AGBL1: variants seen among roughly 807,000 people sequenced by gnomAD.
The protein encoded by AGBL1 is cytosolic carboxypeptidase 4.
In AGBL1, 130 loss-of-function variants were observed where a neutral mutation model predicts 118.9. The observed-to-expected ratio is 1.09, with a 90% confidence interval of 0.95 to 1.26. The LOEUF is 1.26. Among genes scored for constraint, AGBL1 ranks in the 50% most tolerant of loss-of-function variants. The pLI is 0.00. For synonymous variants in AGBL1, 555 were observed against 478.9 expected (o/e 1.16, Z -2.08); for missense variants, 1,584 against 1,298.1 (o/e 1.22, Z -3.38).
chr15:86,356,349 T>C (rs1483366439), intron 17 of AGBL1, among the ~76,000 whole-genome samples: 3 of 150,934 alleles, frequency 2.0e-5, no homozygotes, highest in Non-Finnish European at 4.4e-5. Flanking sequence ...TGTGTGTGTG[T>C]GTGTGTGCGC....
At chr15:87,015,396 T>G (rs1194609944) in intron 24 of AGBL1, among the ~76,000 whole-genome samples, 1 of 152,162 alleles carries the variant, frequency 6.6e-6, no homozygotes, top group African/African-American at 2.4e-5. Context: ...TGTCTATCTA[T>G]CTACCTATTT....
chr15:86,408,176 C>T (rs2081559129), intron 18 of AGBL1, among the ~76,000 whole-genome samples: 1 of 152,150 alleles, frequency 6.6e-6, no homozygotes, highest in South Asian at 2.1e-4. Context: ...TGATCACAAG[C>T]TGAAGAACCT....
intron 22 of AGBL1, among the ~76,000 whole-genome samples, chr15:86,850,372 C>G (rs572306462): frequency 6.6e-6 from 1 of 152,350 alleles, no homozygotes; most frequent in East Asian, 1.9e-4. Context: ...ACTTCCCAGT[C>G]TTATCTCTGC....
At chr15:86,303,848 T>C (rs2079794292) in intron 17 of AGBL1, among the ~76,000 whole-genome samples, 1 of 152,150 alleles carries the variant, frequency 6.6e-6, no homozygotes, top group Admixed American at 6.6e-5. Context: ...GACTAATACC[T>C]CACAACAGCC....
chr15:86,495,130 C>G (rs2082832465), intron 18 of AGBL1, among the ~76,000 whole-genome samples: 1 of 151,506 alleles, frequency 6.6e-6, no homozygotes, highest in Non-Finnish European at 1.5e-5. Context: ...CTCTCGCTTT[C>G]TTTCTTTCTC....
In AGBL1 at chr15:86,459,895, G is replaced by C. The variant is rs529706087; in HGVS notation, c.2555+62349G>C. ...GCTTATAGTGAAATCAGCTTACATA[G>C]CTACAGTGACCAGTGATTTGCTATA... is the stretch of plus-strand genomic sequence containing the variant. On this transcript the variant is annotated intron_variant, in intron 18 of 22. Transcript: ENST00000614907. Among the ~76,000 whole-genome samples, 8 of 152,140 alleles carry C rather than the reference G, an allele frequency of 5.3e-5. No homozygotes were observed. The South Asian group carries it at 1.5e-3, about 28-fold the overall frequency.
At chr15:86,918,981 T>G (rs1292433342), downstream of AGBL1, among the ~76,000 whole-genome samples, 1 of 152,214 alleles carries the variant, frequency 6.6e-6, no homozygotes, top group African/African-American at 2.4e-5. Flanking sequence ...CAATATCATG[T>G]GTTCCCCTGG....
intron 23 of AGBL1, among the ~76,000 whole-genome samples, chr15:86,925,044 G>C (rs1319659850): frequency 1.3e-5 from 2 of 151,654 alleles, no homozygotes; most frequent in African/African-American, 4.8e-5. Context: ...GGAGGTTGCA[G>C]TGAGCCGAGA....
At chr15:86,686,373 GA>G (rs2086056504) in intron 22 of AGBL1, among the ~76,000 whole-genome samples, 1 of 150,628 alleles carries the variant, frequency 6.6e-6, no homozygotes, top group Admixed American at 6.6e-5. Context: ...ATCCCCATCA[GA>G]AAAATAGGAG....
At chr15:86,384,541 C>G (rs1400381427) in intron 17 of AGBL1, among the ~76,000 whole-genome samples, 2 of 149,568 alleles carry the variant, frequency 1.3e-5, no homozygotes, top group African/African-American at 4.9e-5. Flanking sequence ...CATTATAGCA[C>G]AGATGTATTA....
intron 18 of AGBL1, among the ~76,000 whole-genome samples, chr15:86,478,359 A>C (rs2077248852): frequency 6.6e-6 from 1 of 152,236 alleles, no homozygotes; most frequent in Non-Finnish European, 1.5e-5. Context: ...AAATCTCCTT[A>C]AGCTGATAAG....
At chr15:86,368,652 A>G (rs1330740785) in intron 17 of AGBL1, among the ~76,000 whole-genome samples, 2 of 152,196 alleles carry the variant, frequency 1.3e-5, no homozygotes, top group Non-Finnish European at 1.5e-5. Flanking sequence ...AGGCAGCACA[A>G]GAGGAATGGG....
intron 18 of AGBL1, among the ~76,000 whole-genome samples, chr15:86,431,682 A>G (rs943352386): frequency 6.6e-6 from 1 of 152,218 alleles, no homozygotes; most frequent in African/African-American, 2.4e-5. Context: ...AGGATTCCAC[A>G]CGCATTTCTA....
At chr15:86,565,827 A>G (rs1248854521) in intron 21 of AGBL1, among the ~76,000 whole-genome samples, 1 of 152,186 alleles carries the variant, frequency 6.6e-6, no homozygotes, top group Admixed American at 6.5e-5. Context: ...AGCCTCAGCA[A>G]TGGTGGGTGC....
At chr15:86,816,654 A>T (rs1232630558) in intron 22 of AGBL1, among the ~76,000 whole-genome samples, 1 of 152,180 alleles carries the variant, frequency 6.6e-6, no homozygotes, top group Non-Finnish European at 1.5e-5. Context: ...GAGAGATTAA[A>T]ATAGAAAGAT....
chr15:86,648,147 A>G (rs1183072242), intron 21 of AGBL1, among the ~76,000 whole-genome samples: 1 of 152,316 alleles, frequency 6.6e-6, no homozygotes, highest in East Asian at 1.9e-4. Flanking sequence ...AATCTGACTT[A>G]CATTTTGAAG....
intron 21 of AGBL1, among the ~76,000 whole-genome samples, chr15:86,663,479 G>T (rs768444161): frequency 6.6e-6 from 1 of 152,160 alleles, no homozygotes; most frequent in African/African-American, 2.4e-5. Context: ...GTAGCTGCAG[G>T]TAGGTTTCAG....
At chr15:86,756,050 A>G (rs2077934346) in intron 22 of AGBL1, among the ~76,000 whole-genome samples, 2 of 152,120 alleles carry the variant, frequency 1.3e-5, no homozygotes, top group East Asian at 3.9e-4. Flanking sequence ...TTCTCAGTTG[A>G]GGTTAGCAAA....
chr15:86,462,290 C>T (rs932626748), intron 18 of AGBL1, among the ~76,000 whole-genome samples: 7 of 151,768 alleles, frequency 4.6e-5, no homozygotes, highest in Non-Finnish European at 1.0e-4. Context: ...TAAATGATGA[C>T]GTCCTTAGTA....
Sources: gnomAD v4.1 joint callset for allele counts (sites outside exome capture counted in the v4.1 genomes callset) on GRCh38, gnomAD v4.1.1 for gene constraint, MANE v1.5 for transcripts, NCBI Gene and HGNC (gene_info 2026-07-23, HGNC 2026-07-21) for gene names.